Variants in PPIB observed in about 807,000 individuals in gnomAD.
The protein encoded by PPIB is peptidylprolyl isomerase B, also known as peptidyl-prolyl cis-trans isomerase B.
PPIB carries 15 observed loss-of-function variants against 20.1 expected under a neutral mutation model. The observed-to-expected ratio is 0.75, with a 90% CI of 0.50 to 1.15. The LOEUF (loss-of-function observed/expected upper bound fraction) is 1.15. Among genes scored for constraint, PPIB ranks in the 50% most tolerant of loss-of-function variants. The pLI is 0.00. For synonymous variants in PPIB, 129 were observed against 111.0 expected (o/e 1.16, Z -1.02); for missense variants, 278 against 283.0 (o/e 0.98, Z 0.13).
rs1283937820 is a variant in PPIB, at chr15:64,161,237, C to T, written c.249+804G>A. ...TCAGCCTCCCAAAGTGCTGGGACTA[C>T]AGGCATGAGTTACTGCGCCCGGCCT... On this transcript the variant is annotated intron_variant, in intron 2 of 4. Coordinates refer to ENST00000300026, the MANE Select transcript of PPIB (RefSeq NM_000942.5). The surrounding 1 kb of genome is among the most constrained non-coding windows in gnomAD (Gnocchi z 4.2). Among the ~76,000 whole-genome samples the T allele has an allele frequency of 6.6e-6, 1 of 152,032 alleles. No homozygotes were observed. Among genetic ancestry groups the T allele is most frequent in the Non-Finnish European group, 1.5e-5 (1 of 68,010 alleles).
chr15:64,160,037 A>G lies in PPIB; in HGVS notation c.343+67T>C, dbSNP rs2081556620. 3 of 1,377,184 alleles carry G rather than the reference A, an allele frequency of 2.2e-6. No homozygotes were observed. In the South Asian group the frequency reaches 3.5e-5, roughly 16 times the overall value. 85.3% of individuals were successfully genotyped at this position (1,377,184 alleles called of 1,614,324 possible). A position where few individuals can be genotyped will look rare whatever the true frequency, so the allele number is the denominator to read the frequency against. On this transcript the variant is annotated intron_variant, in intron 3 of 4. Transcript: ENST00000300026. The surrounding 1 kb of genome is among the most constrained non-coding windows in gnomAD (Gnocchi z 4.8). ...AAGAAAGAGGCCTGGTCTCCCCAGC[A>G]GAACCTGGCCCTCCCACTGTGGAGG...
Position 64,156,748 on chromosome 15 carries a change from ACAC to A in PPIB, c.502_504del (p.Val168del). On this transcript the variant is annotated inframe_deletion, in exon 4 of 5. Transcript: ENST00000300026. This position sits in a 1 kb window ranked among gnomAD's most constrained non-coding sequence, Gnocchi z 6.4. Reference sequence around the variant, plus strand: ...ACCATGCCCTCTAGAACTTTGCCAAACACCACATGCTTGCCATCTAGCCAGGCT... The same window carrying A: ...ACCATGCCCTCTAGAACTTTGCCAAACACATGCTTGCCATCTAGCCAGGCT... The A allele has an allele frequency of 6.2e-7, 1 of 1,614,132 alleles. No individual in the cohort carries two copies. Among genetic ancestry groups the A allele is most frequent in the Non-Finnish European group, 8.5e-7 (1 of 1,180,024 alleles).
In PPIB at chr15:64,161,117, C is replaced by T. The variant is rs931273590; in HGVS notation, c.250-920G>A. ...CTGGAATTACAGGCGCCTACCACTA[C>T]ACCTGGCTAATTTTTTGTATTTTTA... On this transcript the variant is annotated intron_variant, in intron 2 of 4. Coordinates refer to ENST00000300026, the MANE Select transcript of PPIB (RefSeq NM_000942.5). The surrounding 1 kb of genome is among the most constrained non-coding windows in gnomAD (Gnocchi z 4.2). 1.3e-5 allele frequency among the ~76,000 whole-genome samples: 2 copies of T among 151,824 alleles called. No homozygotes were observed. The highest frequency in any genetic ancestry group is 2.9e-5 in the Non-Finnish European group (2 of 67,976).
rs1414168702 is a variant in PPIB, at chr15:64,161,199, T to G, written c.249+842A>C. On this transcript the variant is annotated intron_variant, in intron 2 of 4. Coordinates refer to ENST00000300026, the MANE Select transcript of PPIB (RefSeq NM_000942.5). This position sits in a 1 kb window ranked among gnomAD's most constrained non-coding sequence, Gnocchi z 4.2. ...CTGGTCTCGAACTCCTGACCTCAGGTGATCTACCCGCCTCAGCCTCCCAAA... is the reference window on the plus strand; with the variant it reads ...CTGGTCTCGAACTCCTGACCTCAGGGGATCTACCCGCCTCAGCCTCCCAAA... Among the ~76,000 whole-genome samples, 1 of 151,640 alleles carries G rather than the reference T, an allele frequency of 6.6e-6. No individual in the cohort carries two copies. The highest frequency in any genetic ancestry group is 1.5e-5 in the Non-Finnish European group (1 of 67,880).
At position 64,156,037 on chromosome 15, in the gene PPIB, T is replaced by C; in HGVS notation, c.637A>G (p.Ile213Val). 1.3e-5 allele frequency: 21 copies of C among 1,614,186 alleles called. No individual in the cohort carries two copies. Among genetic ancestry groups the C allele is most frequent in the Non-Finnish European group, 1.8e-5 (21 of 1,180,034 alleles). Residue 213 changes from isoleucine (I) to valine (V), a missense_variant, in exon 5 of 5, where the codon ATC becomes GTC. Physicochemically the swap from Ile to Val is conservative, Grantham distance 29 (BLOSUM62 3). Coordinates refer to ENST00000300026, the MANE Select transcript of PPIB (RefSeq NM_000942.5). This position sits in a 1 kb window ranked among gnomAD's most constrained non-coding sequence, Gnocchi z 6.4. ...GTCCCTGTGCCCTACTCCTTGGCGA[T>C]GGCAAAGGGCTTCTCCACCTCGATC... is the stretch of plus-strand genomic sequence containing the variant. ...GKIEVEKPFA[I>V]AKE is the part of the protein sequence containing the mutation.
chr15:64,157,044 C>T lies in PPIB; in HGVS notation c.344-135G>A. The T allele has an allele frequency of 1.1e-6, 1 of 942,454 alleles. No individual in the cohort carries two copies. Among genetic ancestry groups the T allele is most frequent in the Non-Finnish European group, 1.6e-6 (1 of 636,874 alleles). The allele number at this position is 942,454 out of a possible 1,614,324, so 58.4% of individuals were successfully genotyped here. A position where few individuals can be genotyped will look rare whatever the true frequency, so the allele number is the denominator to read the frequency against. Reference sequence around the variant, plus strand: ...GGAGTGGACTACAAGGACATAAAAGCAGCGTCCTTCCTATCTTCTGGCCTC... The same window carrying T: ...GGAGTGGACTACAAGGACATAAAAGTAGCGTCCTTCCTATCTTCTGGCCTC... On this transcript the variant is annotated intron_variant, in intron 3 of 4. Transcript: ENST00000300026. The surrounding 1 kb of genome is among the most constrained non-coding windows in gnomAD (Gnocchi z 4.2).
rs1207592484 is a variant in PPIB, at chr15:64,161,016, A to G, written c.250-819T>C. ...CCTCTTGTTGCCCAGGCTAGAGTGCAGTGGGGCAATCTCGGCTCACTGCAA... is the reference window on the plus strand; with the variant it reads ...CCTCTTGTTGCCCAGGCTAGAGTGCGGTGGGGCAATCTCGGCTCACTGCAA... On this transcript the variant is annotated intron_variant, in intron 2 of 4. Transcript: ENST00000300026. The surrounding 1 kb of genome is among the most constrained non-coding windows in gnomAD (Gnocchi z 4.2). 6.6e-6 allele frequency among the ~76,000 whole-genome samples: 1 copy of G among 151,824 alleles called. No homozygotes were observed. Among genetic ancestry groups the G allele is most frequent in the Non-Finnish European group, 1.5e-5 (1 of 68,004 alleles).
chr15:64,155,868 A>T lies in PPIB; in HGVS notation c.*155T>A. On this transcript the variant is annotated 3_prime_UTR_variant, in exon 5 of 5. Coordinates refer to ENST00000300026, the MANE Select transcript of PPIB (RefSeq NM_000942.5). ...TTTTTTATTGGTCAGTGTTGGTAGG[A>T]GTTTGTTACAAAAGTGAGTCCATGG... is the stretch of plus-strand genomic sequence containing the variant. 1 of 1,044,634 alleles carries T rather than the reference A, an allele frequency of 9.6e-7. No homozygotes were observed. Among genetic ancestry groups the T allele is most frequent in the Non-Finnish European group, 1.5e-6 (1 of 685,256 alleles). 64.7% of individuals were successfully genotyped at this position (1,044,634 alleles called of 1,614,324 possible).
In PPIB at chr15:64,156,570, G is replaced by T; in HGVS notation, c.528+155C>A. On this transcript the variant is annotated intron_variant, in intron 4 of 4. Coordinates refer to ENST00000300026, the MANE Select transcript of PPIB (RefSeq NM_000942.5). This position sits in a 1 kb window ranked among gnomAD's most constrained non-coding sequence, Gnocchi z 6.4. ...AAGAATTTAGAACCTTGGAGGCATG[G>T]AGGTACAGGGTTTATTCTGGACAGG... 1.1e-6 allele frequency: 1 copy of T among 944,774 alleles called. No homozygotes were observed. The allele number at this position is 944,774 out of a possible 1,614,324, so 58.5% of individuals were successfully genotyped here.
Position 64,156,755 on chromosome 15 carries a change from A to G in PPIB, c.498T>C (p.His166=), listed in dbSNP as rs751507032. The part of the protein sequence containing the change: ...TVKTAWLDGK[H]VVFGKVLEGM... ...CCTCTAGAACTTTGCCAAACACCAC[A>G]TGCTTGCCATCTAGCCAGGCTGTCT... Residue 166 remains histidine, a synonymous_variant, in exon 4 of 5, where the codon CAT becomes CAC. Coordinates refer to ENST00000300026, the MANE Select transcript of PPIB (RefSeq NM_000942.5). The surrounding 1 kb of genome is among the most constrained non-coding windows in gnomAD (Gnocchi z 6.4). 2 of 1,613,990 alleles carry G rather than the reference A, an allele frequency of 1.2e-6. No individual in the cohort carries two copies. Among genetic ancestry groups the G allele is most frequent in the Admixed American group, 1.7e-5 (1 of 60,010 alleles).
In PPIB at chr15:64,162,968, G is replaced by T. The variant is rs760906683; in HGVS notation, c.19C>A (p.Arg7Ser). 1.7e-5 allele frequency: 27 copies of T among 1,613,110 alleles called. No homozygotes were observed. The highest frequency in any genetic ancestry group is 2.3e-5 in the Non-Finnish European group (27 of 1,179,750). Residue 7 changes from arginine (R) to serine (S), a missense_variant, in exon 1 of 5, where the codon CGC (arginine) becomes AGC (serine). Coordinates refer to ENST00000300026, the MANE Select transcript of PPIB (RefSeq NM_000942.5). ...GCGGCAAGGAGCACCTTCATGTTGC[G>T]TTCGGAGAGGCGCAGCATCCACAGG... MLRLSERNMKVLLAAAL... is the reference protein window; with the variant it reads MLRLSESNMKVLLAAAL...
At position 64,160,143 on chromosome 15, in the gene PPIB, T is replaced by A; in HGVS notation, c.304A>T (p.Ile102Phe). 1 of 1,614,102 alleles carries A rather than the reference T, an allele frequency of 6.2e-7. No individual in the cohort carries two copies. The highest frequency in any genetic ancestry group is 1.1e-5 in the South Asian group (1 of 91,080). Reference sequence around the variant, plus strand: ...CCCCTGGTGAAGTCTCCGCCCTGGATCATGAAGTCCTTGATTACACGATGG... The same window carrying A: ...CCCCTGGTGAAGTCTCCGCCCTGGAACATGAAGTCCTTGATTACACGATGG... ...KFHRVIKDFM[I>F]QGGDFTRGDG... The change falls in exon 3 of 5, where the codon ATC becomes TTC. Residue 102 changes from isoleucine to phenylalanine, a missense_variant. By Grantham distance (21) the Ile-to-Phe change is conservative (BLOSUM62 0). Coordinates refer to ENST00000300026, the MANE Select transcript of PPIB (RefSeq NM_000942.5). The surrounding 1 kb of genome is among the most constrained non-coding windows in gnomAD (Gnocchi z 4.8).
At position 64,156,601 on chromosome 15, in the gene PPIB, T is replaced by C. The variant is rs1204872377; in HGVS notation, c.528+124A>G. ...CAGGGTTTATTCTGGACAGGAGCAC[T>C]GGGCTGCATCTGTGGGTTGGGTCCT... On this transcript the variant is annotated intron_variant, in intron 4 of 4. Coordinates refer to ENST00000300026, the MANE Select transcript of PPIB (RefSeq NM_000942.5). The surrounding 1 kb of genome is among the most constrained non-coding windows in gnomAD (Gnocchi z 6.4). 2 of 1,172,060 alleles carry C rather than the reference T, an allele frequency of 1.7e-6. No individual in the cohort carries two copies. The highest frequency in any genetic ancestry group is 4.7e-5 in the East Asian group (2 of 42,848). 72.6% of individuals were successfully genotyped at this position (1,172,060 alleles called of 1,614,324 possible).
Position 64,158,330 on chromosome 15 carries a change from C to T in PPIB, c.344-1421G>A, listed in dbSNP as rs185324064. 6.6e-6 allele frequency among the ~76,000 whole-genome samples: 1 copy of T among 152,308 alleles called. No homozygotes were observed. Among genetic ancestry groups the T allele is most frequent in the African/African-American group, 2.4e-5 (1 of 41,560 alleles). ...AGCATCTTACATATTTAACAATCCA[C>T]TCTATGAGGAGGAGCTAACTCCACT... is the stretch of plus-strand genomic sequence containing the variant. On this transcript the variant is annotated intron_variant, in intron 3 of 4. Coordinates refer to ENST00000300026, the MANE Select transcript of PPIB (RefSeq NM_000942.5). The surrounding 1 kb of genome is among the most constrained non-coding windows in gnomAD (Gnocchi z 4.7).
chr15:64,162,716 G>A lies in PPIB; in HGVS notation c.135+136C>T. 5 of 1,424,264 alleles carry A rather than the reference G, an allele frequency of 3.5e-6. No individual in the cohort carries two copies. The South Asian group carries it at 5.0e-5, about 14-fold the overall frequency. 88.2% of individuals were successfully genotyped at this position (1,424,264 alleles called of 1,614,324 possible). A position where few individuals can be genotyped will look rare whatever the true frequency, so the allele number is the denominator to read the frequency against. The stretch of plus-strand genomic sequence containing the variant: ...TCGGGGTGGGTCCGGGTCGTTCCCT[G>A]GACTGAATGGGCAGGACGGCCCAGA... On this transcript the variant is annotated intron_variant, in intron 1 of 4. Transcript: ENST00000300026.
At position 64,162,938 on chromosome 15, in the gene PPIB, G is replaced by A. The variant is rs757918812; in HGVS notation, c.49C>T (p.Leu17Phe). The A allele has an allele frequency of 3.7e-6, 6 of 1,613,576 alleles. No individual in the cohort carries two copies. The highest frequency in any genetic ancestry group is 5.1e-6 in the Non-Finnish European group (6 of 1,179,906). ...RNMKVLLAAA[L>F]IAGSVFFLLL... Reference sequence around the variant, plus strand: ...AGGAAGAAGACGGACCCCGCGATGAGGGCGGCGGCAAGGAGCACCTTCATG... The same window carrying A: ...AGGAAGAAGACGGACCCCGCGATGAAGGCGGCGGCAAGGAGCACCTTCATG... Residue 17 changes from leucine to phenylalanine, a missense_variant, in exon 1 of 5, where the codon CTC (leucine) becomes TTC (phenylalanine). Physicochemically the swap from Leu to Phe is conservative, Grantham distance 22. Transcript: ENST00000300026.
intron 1 of PPIB, 152 bp from the exon 2 acceptor site, chr15:64,162,306 C>T: frequency 1.4e-6 from 1 of 715,532 alleles, no homozygotes; most frequent in Non-Finnish European, 2.5e-6. Context: ...CGGTAAAAAT[C>T]CTATGAGAAT....
At position 64,160,265 on chromosome 15, in the gene PPIB, C is replaced by T; in HGVS notation, c.250-68G>A. The T allele has an allele frequency of 7.9e-7, 1 of 1,262,534 alleles. No individual in the cohort carries two copies. Among genetic ancestry groups the T allele is most frequent in the South Asian group, 1.2e-5 (1 of 83,332 alleles). The allele number at this position is 1,262,534 out of a possible 1,614,324, so 78.2% of individuals were successfully genotyped here. On this transcript the variant is annotated intron_variant, in intron 2 of 4. Transcript: ENST00000300026. This position sits in a 1 kb window ranked among gnomAD's most constrained non-coding sequence, Gnocchi z 4.8. ...CAGGAAGACATTACATTAAATAGGC[C>T]TCACAGGAACAAGTCCACAACTCCT...
In PPIB at chr15:64,158,519, C is replaced by A. The variant is rs2081547986; in HGVS notation, c.343+1585G>T. 6.6e-6 allele frequency among the ~76,000 whole-genome samples: 1 copy of A among 152,212 alleles called. No homozygotes were observed. The highest frequency in any genetic ancestry group is 1.5e-5 in the Non-Finnish European group (1 of 68,030). On this transcript the variant is annotated intron_variant, in intron 3 of 4. Transcript: ENST00000300026. This position sits in a 1 kb window ranked among gnomAD's most constrained non-coding sequence, Gnocchi z 4.7. Reference sequence around the variant, plus strand: ...CCAGGGTCAGTGGCACCAATGCCCCCAGCAGCCTGCCTGCCCTAGCCTCCA... The same window carrying A: ...CCAGGGTCAGTGGCACCAATGCCCCAAGCAGCCTGCCTGCCCTAGCCTCCA...
Sources: gnomAD v4.1 joint callset for allele counts (sites outside exome capture counted in the v4.1 genomes callset) on GRCh38, gnomAD v4.1.1 for gene constraint, Gnocchi (gnomAD v3.1) non-coding constraint, MANE v1.5 for transcripts, NCBI Gene and HGNC (gene_info 2026-07-23, HGNC 2026-07-21) for gene names.